Variants in CDH13 observed in about 807,000 individuals in gnomAD.
CDH13 encodes cadherin-13.
In CDH13, 24 loss-of-function variants were observed where a neutral mutation model predicts 63.8. The ratio of observed to expected loss-of-function variants is 0.38; its 90% CI spans 0.27 to 0.53. The LOEUF (loss-of-function observed/expected upper bound fraction) is 0.53, where lower values mean the gene tolerates loss of function less well. CDH13 is among the 20% of genes least tolerant of loss of function. The probability of loss-of-function intolerance (pLI) is 0.85; values close to 1 mark genes in which losing one functional copy is unlikely to be tolerated. For synonymous variants in CDH13, 503 were observed against 355.3 expected (o/e 1.42, Z -4.67); for missense variants, 1,049 against 903.1 (o/e 1.16, Z -2.07).
intron 1 of CDH13, among the ~76,000 whole-genome samples, chr16:82,848,711 C>G (rs1295905413): frequency 1.3e-5 from 2 of 152,080 alleles, no homozygotes; most frequent in Admixed American, 1.3e-4. Flanking sequence ...CATCCTATTT[C>G]CTGAAACACA....
intron 3 of CDH13, among the ~76,000 whole-genome samples, chr16:83,108,257 G>A (rs1387936029): frequency 4.6e-5 from 7 of 152,132 alleles, no homozygotes; most frequent in Non-Finnish European, 8.8e-5. Context: ...GGACCACAGA[G>A]GAAGGACCCT....
intron 4 of CDH13, among the ~76,000 whole-genome samples, chr16:83,216,614 T>A (rs1479029515): frequency 4.9e-5 from 7 of 144,202 alleles, no homozygotes; most frequent in African/African-American, 1.8e-4. Context: ...GGGTTTAATA[T>A]ATATAATACA....
chr16:83,514,731 G>A (rs764191077), intron 7 of CDH13, among the ~76,000 whole-genome samples: 4 of 152,182 alleles, frequency 2.6e-5, no homozygotes, highest in Non-Finnish European at 4.4e-5. Context: ...GGCAGAGAGT[G>A]GGATGATGAG....
At chr16:83,407,630 C>T (rs1342961045) in intron 6 of CDH13, among the ~76,000 whole-genome samples, 2 of 152,138 alleles carry the variant, frequency 1.3e-5, no homozygotes, top group Non-Finnish European at 1.5e-5. Context: ...AAGGTAGGTG[C>T]CCACTAAACA....
rs941839404 is a variant in CDH13, at chr16:83,278,187, C to G, written c.636+60690C>G. ...GTTATTCAATTTTAAGTAGCGGGAA[C>G]CAAATCCATCTGGATTTTTAAAAAG... On this transcript the variant is annotated intron_variant, in intron 5 of 13. Transcript: ENST00000567109. Among the ~76,000 whole-genome samples the G allele has an allele frequency of 2.6e-5, 4 of 152,138 alleles. No individual in the cohort carries two copies. In the East Asian group the frequency reaches 7.7e-4, roughly 29 times the overall value.
intron 5 of CDH13, among the ~76,000 whole-genome samples, chr16:83,294,072 A>G (rs910121918): frequency 6.6e-6 from 1 of 152,224 alleles, no homozygotes; most frequent in African/African-American, 2.4e-5. Context: ...ACTTCTGTTT[A>G]TAAACTATTT....
chr16:83,112,411 A>G (rs543876374), intron 3 of CDH13, among the ~76,000 whole-genome samples: 1 of 152,320 alleles, frequency 6.6e-6, no homozygotes, highest in East Asian at 1.9e-4. Context: ...AGAGAGAGGA[A>G]GTTCTTGGTG....
At chr16:83,730,255 G>C (rs1280097648) in intron 10 of CDH13, among the ~76,000 whole-genome samples, 1 of 152,184 alleles carries the variant, frequency 6.6e-6, no homozygotes, top group African/African-American at 2.4e-5. Flanking sequence ...CCCTCTCTCA[G>C]ATCTTCACAA....
intron 1 of CDH13, among the ~76,000 whole-genome samples, chr16:82,627,591 G>A (rs962508433): frequency 6.6e-6 from 1 of 152,088 alleles, no homozygotes; most frequent in African/African-American, 2.4e-5. Flanking sequence ...TCCGGATTGC[G>A]GGATGCGGGG....
chr16:83,240,461 G>A (rs1904321725), intron 5 of CDH13, among the ~76,000 whole-genome samples: 2 of 152,020 alleles, frequency 1.3e-5, no homozygotes, highest in Non-Finnish European at 2.9e-5. Context: ...GGTTACTGAA[G>A]GAAACCAGGT....
At chr16:83,080,887 T>TTTTG (rs2033200311) in intron 3 of CDH13, among the ~76,000 whole-genome samples, 1 of 118,788 alleles carries the variant, frequency 8.4e-6, no homozygotes, top group Non-Finnish European at 1.8e-5. Context: ...TTTTTTTTTT[T>TTTTG]TTTTTTTTTT....
chr16:83,782,850 T>G (rs1224331730), intron 12 of CDH13, among the ~76,000 whole-genome samples: 5 of 152,182 alleles, frequency 3.3e-5, no homozygotes, highest in Non-Finnish European at 2.9e-5. Flanking sequence ...ACCTTAGCTT[T>G]CTAGATGTGG....
At chr16:83,369,636 G>T (rs918012492) in intron 6 of CDH13, among the ~76,000 whole-genome samples, 2 of 152,030 alleles carry the variant, frequency 1.3e-5, no homozygotes, top group African/African-American at 4.8e-5. Flanking sequence ...TGTTGCCGAG[G>T]TTGGTCTCAC....
chr16:82,993,866 T>A (rs1196213211), intron 2 of CDH13, among the ~76,000 whole-genome samples: 1 of 152,320 alleles, frequency 6.6e-6, no homozygotes, highest in Middle Eastern at 3.4e-3. Flanking sequence ...AGTGGTCACC[T>A]GGTGCTTCGT....
intron 2 of CDH13, among the ~76,000 whole-genome samples, chr16:83,015,011 A>T (rs1045651032): frequency 3.3e-5 from 5 of 150,988 alleles, no homozygotes; most frequent in African/African-American, 1.2e-4. Flanking sequence ...AAGAGATAAT[A>T]TGCAGTCATA....
chr16:82,979,511 T>G (rs1354814674), intron 2 of CDH13, among the ~76,000 whole-genome samples: 1 of 152,100 alleles, frequency 6.6e-6, no homozygotes, highest in Non-Finnish European at 1.5e-5. Flanking sequence ...GATTGTGAAT[T>G]CTCATGGGAT....
chr16:83,709,825 C>A (rs1305491445), intron 10 of CDH13, among the ~76,000 whole-genome samples: 1 of 152,202 alleles, frequency 6.6e-6, no homozygotes, highest in Non-Finnish European at 1.5e-5. Flanking sequence ...TATGGAAAAT[C>A]TATTTGATGT....
intron 2 of CDH13, among the ~76,000 whole-genome samples, chr16:82,905,988 A>C (rs1237256727): frequency 6.6e-6 from 1 of 152,148 alleles, no homozygotes; most frequent in Non-Finnish European, 1.5e-5. Context: ...CTTTGAAAAA[A>C]TACACATATG....
At chr16:83,721,653 G>C (rs1909706471) in intron 10 of CDH13, 1 of 152,206 alleles carries the variant, frequency 6.6e-6, no homozygotes, top group African/African-American at 2.4e-5. Flanking sequence ...CCTGGGAGCT[G>C]TAAGAAATCC....
Sources: allele counts gnomAD v4.1 joint callset (sites outside exome capture counted in the v4.1 genomes callset), GRCh38; gene constraint gnomAD v4.1.1; transcripts MANE v1.5; gene names NCBI Gene and HGNC (gene_info 2026-07-23, HGNC 2026-07-21).